The following KMT2C variants were observed in gnomAD, a reference collection of about 807,000 sequenced individuals.
KMT2C encodes the protein histone-lysine N-methyltransferase 2C.
KMT2C carries 88 observed loss-of-function variants against 507.9 expected under a neutral mutation model. That is an observed-to-expected ratio of 0.17 (90% confidence interval 0.15 to 0.21). KMT2C has a LOEUF of 0.21. KMT2C is among the 10% of genes least tolerant of loss of function. The pLI is 1.00. For synonymous variants in KMT2C, 2,049 were observed against 2,080.8 expected (o/e 0.98, Z 0.42); for missense variants, 4,954 against 5,957.8 (o/e 0.83, Z 5.55).
At chr7:152,274,219 T>C (rs2096034013) in intron 6 of KMT2C, among the ~76,000 whole-genome samples, 1 of 152,096 alleles carries the variant, frequency 6.6e-6, no homozygotes, top group Non-Finnish European at 1.5e-5. Flanking sequence ...TATTATAAAG[T>C]TTTTAAATCC....
At chr7:152,373,818 T>C (rs975542640) in intron 1 of KMT2C, among the ~76,000 whole-genome samples, 6 of 152,106 alleles carry the variant, frequency 3.9e-5, no homozygotes, top group Non-Finnish European at 5.9e-5. Flanking sequence ...TAATAAGTAA[T>C]ATAAAACTCT....
At chr7:152,345,615 C>T (rs1233852207) in intron 2 of KMT2C, among the ~76,000 whole-genome samples, 2 of 152,158 alleles carry the variant, frequency 1.3e-5, no homozygotes, top group East Asian at 3.9e-4. Flanking sequence ...ACCTCCACCT[C>T]CTGGATTCAA....
chr7:152,166,122 C>CT (rs2092716240), intron 42 of KMT2C, among the ~76,000 whole-genome samples: 7 of 147,154 alleles, frequency 4.8e-5, no homozygotes, highest in African/African-American at 1.8e-4. Flanking sequence ...AGAGCACTCA[C>CT]ATTTTTTTTT....
At chr7:152,389,128 C>T (rs1375331468) in intron 1 of KMT2C, among the ~76,000 whole-genome samples, 5 of 150,778 alleles carry the variant, frequency 3.3e-5, no homozygotes, top group Non-Finnish European at 1.5e-5. Flanking sequence ...GTGATCTGCC[C>T]GCCTCAGCCT....
chr7:152,200,024 C>A (rs1478354168), intron 26 of KMT2C, among the ~76,000 whole-genome samples: 1 of 152,090 alleles, frequency 6.6e-6, no homozygotes, highest in African/African-American at 2.4e-5. Context: ...AAGCTGGGTT[C>A]CTTGCAACTC....
At position 152,148,769 on chromosome 7, in the gene KMT2C, C is replaced by A. The variant is rs762380795; in HGVS notation, c.13158G>T (p.Leu4386Phe). 13 of 1,614,088 alleles carry A rather than the reference C, an allele frequency of 8.1e-6. No homozygotes were observed. The highest frequency in any genetic ancestry group is 9.3e-6 in the Non-Finnish European group (11 of 1,180,044). ...EDEIDEFLKK[L>F]GTSLKPDPVP... is the part of the protein sequence containing the mutation. ...CAGGATCAGGTTTAAGGGAAGTGCC[C>A]AATTTCTTTAGAAATTCATCTATTT... Residue 4386 changes from leucine (L) to phenylalanine (F), a missense_variant, in exon 52 of 59, where the codon TTG (leucine) becomes TTT (phenylalanine). Leu to Phe is a conservative substitution (Grantham distance 22, BLOSUM62 0). Coordinates refer to ENST00000262189, the MANE Select transcript of KMT2C (RefSeq NM_170606.3). This position sits in a 1 kb window ranked among gnomAD's most constrained non-coding sequence, Gnocchi z 7.1.
chr7:152,393,668 C>T (rs891334549), intron 1 of KMT2C, among the ~76,000 whole-genome samples: 21 of 152,158 alleles, frequency 1.4e-4, no homozygotes, highest in African/African-American at 4.3e-4. Context: ...AATCCCAACA[C>T]TTTGGGAGGC....
intron 6 of KMT2C, among the ~76,000 whole-genome samples, chr7:152,295,784 C>T (rs2096486511): frequency 6.6e-6 from 1 of 152,038 alleles, no homozygotes; most frequent in African/African-American, 2.4e-5. Flanking sequence ...TATGAACGCT[C>T]GGCTGGGCGC....
At chr7:152,309,075 TCAAA>T (rs1405630191) in intron 6 of KMT2C, among the ~76,000 whole-genome samples, 9 of 152,166 alleles carry the variant, frequency 5.9e-5, no homozygotes, top group Admixed American at 1.3e-4. Context: ...TTTTAAAATA[TCAAA>T]CAGAGGTAGT....
At chr7:152,215,688 T>TATATATATATATACACACACACAC (rs766518165) in intron 23 of KMT2C, among the ~76,000 whole-genome samples, 2 of 134,432 alleles carry the variant, frequency 1.5e-5, no homozygotes, top group African/African-American at 6.8e-5. Flanking sequence ...TATATATATA[T>TATATATATATATACACACACACAC]ACACACACAC....
intron 16 of KMT2C, among the ~76,000 whole-genome samples, chr7:152,231,237 A>G (rs1222242222): frequency 2.0e-5 from 3 of 152,226 alleles, no homozygotes; most frequent in Non-Finnish European, 2.9e-5. Context: ...ACTTAGTTCT[A>G]TTTGACTAAA....
At chr7:152,276,448 G>A (rs2096080859) in intron 6 of KMT2C, among the ~76,000 whole-genome samples, 1 of 152,104 alleles carries the variant, frequency 6.6e-6, no homozygotes, top group Non-Finnish European at 1.5e-5. Context: ...ATTTGGGGAG[G>A]AGGGATAAAG....
chr7:152,399,863 C>T (rs1176510678), intron 1 of KMT2C, among the ~76,000 whole-genome samples: 1 of 151,132 alleles, frequency 6.6e-6, no homozygotes, highest in East Asian at 1.9e-4. Flanking sequence ...ATATAACTTC[C>T]AATATAAAAT....
Position 152,182,526 on chromosome 7 carries a change from AT to A in KMT2C, c.5333del (p.Asn1778MetfsTer33). 6.2e-7 allele frequency: 1 copy of A among 1,612,610 alleles called. No homozygotes were observed. The highest frequency in any genetic ancestry group is 8.5e-7 in the Non-Finnish European group (1 of 1,179,312). On this transcript the variant is annotated frameshift_variant, in exon 36 of 59. Coordinates refer to ENST00000262189, the MANE Select transcript of KMT2C (RefSeq NM_170606.3). LOFTEE classifies it high-confidence loss of function. ...GCTGTTGTTGCTGCTGCTGCTGCTC[AT>A]TTTTCACCTGTTCAAGTTTCTGTGT... ...EATQKLEQVK[N>X]EQQQQQQQQF...
In KMT2C at chr7:152,213,000, A is replaced by T. The variant is rs188774504; in HGVS notation, c.3713-5572T>A. On this transcript the variant is annotated intron_variant, in intron 23 of 58. Transcript: ENST00000262189. Reference sequence around the variant, plus strand: ...GCGGCAGAGGTTGCAGTGAGCGGAGATCACACCACTGCACTTCTGCCTGGG... The same window carrying T: ...GCGGCAGAGGTTGCAGTGAGCGGAGTTCACACCACTGCACTTCTGCCTGGG... 2.6e-3 allele frequency among the ~76,000 whole-genome samples: 401 copies of T among 152,376 alleles called. 4 individuals are homozygous for T. Among genetic ancestry groups the T allele is most frequent in the Middle Eastern group, 0.02 (6 of 294 alleles).
intron 33 of KMT2C, among the ~76,000 whole-genome samples, chr7:152,185,935 G>A (rs1401702792): frequency 6.6e-6 from 1 of 152,188 alleles, no homozygotes; most frequent in Admixed American, 6.5e-5. Context: ...CTGGTGGTAA[G>A]ACACCACCAG....
chr7:152,288,249 A>AG (rs1319068311), intron 6 of KMT2C, among the ~76,000 whole-genome samples: 6 of 146,440 alleles, frequency 4.1e-5, no homozygotes, highest in Middle Eastern at 3.4e-3. Flanking sequence ...AAAAAAAAAA[A>AG]GTGGCCAGGT....
chr7:152,191,647 T>C (rs2093797288), intron 31 of KMT2C, among the ~76,000 whole-genome samples: 1 of 152,226 alleles, frequency 6.6e-6, no homozygotes, highest in Non-Finnish European at 1.5e-5. Flanking sequence ...GTGTAAGGTC[T>C]TCAAAGGCTC....
chr7:152,268,412 T>C (rs556993396), intron 7 of KMT2C, among the ~76,000 whole-genome samples: 6 of 152,350 alleles, frequency 3.9e-5, no homozygotes, highest in Middle Eastern at 3.4e-3. Flanking sequence ...AGCACAACTC[T>C]GTGAATCCTT....
Sources: allele counts gnomAD v4.1 joint callset (sites outside exome capture counted in the v4.1 genomes callset), GRCh38; gene constraint gnomAD v4.1.1; non-coding constraint Gnocchi (gnomAD v3.1); transcripts MANE v1.5; gene names NCBI Gene and HGNC (gene_info 2026-07-23, HGNC 2026-07-21).